Variants in AFF3 observed in about 807,000 individuals in gnomAD.
The protein encoded by AFF3 is ALF transcription elongation factor 3.
AFF3 carries 32 observed loss-of-function variants against 129.7 expected under a neutral mutation model. That is an observed-to-expected ratio of 0.25 (90% CI 0.19 to 0.33). The LOEUF (loss-of-function observed/expected upper bound fraction) is 0.33. Ranked by LOEUF, AFF3 falls within the 10% of genes least tolerant of loss-of-function variation. The pLI is 1.00. For missense variants in AFF3, 1,373 were observed against 1,592.0 expected, an observed-to-expected ratio of 0.86 and a Z score of 2.34; for synonymous variants, 644 against 635.4, an observed-to-expected ratio of 1.01 and a Z score of -0.20.
intron 8 of AFF3, among the ~76,000 whole-genome samples, chr2:99,777,202 C>G (rs1575949710): frequency 2.0e-5 from 3 of 152,162 alleles, no homozygotes; most frequent in Admixed American, 1.3e-4. Flanking sequence ...ATGTAAGTCT[C>G]CACGCTGAGT....
chr2:99,723,764 A>G (rs776220684), intron 11 of AFF3, among the ~76,000 whole-genome samples: 1 of 152,224 alleles, frequency 6.6e-6, no homozygotes, highest in Non-Finnish European at 1.5e-5. Flanking sequence ...CCAGTGCCTC[A>G]GAATGTGACT....
At chr2:99,977,950 C>G (rs1297819447) in intron 7 of AFF3, among the ~76,000 whole-genome samples, 1 of 152,250 alleles carries the variant, frequency 6.6e-6, no homozygotes, top group Non-Finnish European at 1.5e-5. Context: ...CCCATCCCAA[C>G]ACTGTCCTGC....
intron 2 of AFF3, among the ~76,000 whole-genome samples, chr2:100,126,322 G>T (rs1692189409): frequency 6.6e-6 from 1 of 152,202 alleles, no homozygotes; most frequent in Non-Finnish European, 1.5e-5. Flanking sequence ...TGTTTACTGG[G>T]CTCTCAGGAG....
chr2:100,060,096 T>A (rs1217580048), intron 4 of AFF3, among the ~76,000 whole-genome samples: 1 of 152,048 alleles, frequency 6.6e-6, no homozygotes, highest in Non-Finnish European at 1.5e-5. Flanking sequence ...AAACACACCC[T>A]CCATCCTCCT....
At position 100,071,629 on chromosome 2, in the gene AFF3, T is replaced by C. The variant is rs537869184; in HGVS notation, c.53+32773A>G. Among the ~76,000 whole-genome samples, 7 of 152,300 alleles carry C rather than the reference T, an allele frequency of 4.6e-5. No individual in the cohort carries two copies. The South Asian group carries it at 1.5e-3, about 32-fold the overall frequency. On this transcript the variant is annotated intron_variant, in intron 4 of 24. Coordinates refer to ENST00000672756, the MANE Select transcript of AFF3 (RefSeq NM_001386135.1). ...CTGCACAAATGAGCTGGCTCAGTAT[T>C]AGTGTCTTCTTTTAAAGGTTAGCAC...
At chr2:99,739,384 G>A (rs1184539461) in intron 10 of AFF3, among the ~76,000 whole-genome samples, 2 of 152,048 alleles carry the variant, frequency 1.3e-5, no homozygotes, top group African/African-American at 2.4e-5. Context: ...TTATTCTGAT[G>A]GTGCTATTTT....
chr2:99,946,709 C>T (rs1411719106), intron 7 of AFF3, among the ~76,000 whole-genome samples: 5 of 152,008 alleles, frequency 3.3e-5, no homozygotes, highest in Admixed American at 2.6e-4. Context: ...CCAAAGTTTA[C>T]GTTTTTTACT....
At chr2:100,003,905 A>C (rs1258907356) in intron 7 of AFF3, among the ~76,000 whole-genome samples, 3 of 152,168 alleles carry the variant, frequency 2.0e-5, no homozygotes, top group Admixed American at 2.0e-4. Context: ...GAAACTGCAA[A>C]TTAAAAGCTA....
intron 9 of AFF3, among the ~76,000 whole-genome samples, chr2:99,749,101 G>C (rs577523009): frequency 1.1e-3 from 163 of 152,230 alleles, no homozygotes; most frequent in Middle Eastern, 0.01. Context: ...AACAATGAGG[G>C]TAGATCTTTA....
In AFF3 at chr2:99,611,886, CA is replaced by C. The variant is rs36056201; in HGVS notation, c.1185-10266del. Among the ~76,000 whole-genome samples, 145 of 145,266 alleles carry C rather than the reference CA, an allele frequency of 1.0e-3. 2 individuals are homozygous for C. The Middle Eastern group carries it at 0.017, about 18-fold the overall frequency. Reference sequence around the variant, plus strand: ...TGGGCGACAGAGTGAGATATCATCTCAAAAAAAAAAAAATTTATTCTTGCTA... The same window carrying C: ...TGGGCGACAGAGTGAGATATCATCTCAAAAAAAAAAAATTTATTCTTGCTA... On this transcript the variant is annotated intron_variant, in intron 13 of 24. Transcript: ENST00000672756.
intron 2 of AFF3, among the ~76,000 whole-genome samples, chr2:100,117,452 C>T (rs568765259): frequency 5.9e-5 from 9 of 152,272 alleles, no homozygotes; most frequent in South Asian, 2.1e-4. Context: ...TGGGGTATCA[C>T]GATTTTTTGA....
intron 10 of AFF3, among the ~76,000 whole-genome samples, chr2:99,732,329 C>T (rs1299067232): frequency 7.2e-6 from 1 of 138,902 alleles, no homozygotes; most frequent in Non-Finnish European, 1.5e-5. Context: ...GCCTGGGCAA[C>T]AGAGCGAGAC....
intron 8 of AFF3, among the ~76,000 whole-genome samples, chr2:99,753,162 G>A (rs1220324852): frequency 1.3e-5 from 2 of 152,014 alleles, no homozygotes; most frequent in African/African-American, 4.8e-5. Flanking sequence ...GTGCAGTGGC[G>A]TGATCTGGCT....
At chr2:99,940,040 T>G (rs1235136731) in intron 7 of AFF3, among the ~76,000 whole-genome samples, 2 of 152,180 alleles carry the variant, frequency 1.3e-5, no homozygotes, top group Non-Finnish European at 2.9e-5. Context: ...GATCTTAGAC[T>G]TTTCAGTAAC....
At chr2:99,654,493 T>A (rs1247169454) in intron 12 of AFF3, among the ~76,000 whole-genome samples, 1 of 152,016 alleles carries the variant, frequency 6.6e-6, no homozygotes, top group African/African-American at 2.4e-5. Context: ...AAAGAAAAAA[T>A]TAGGTGACTC....
At chr2:99,662,421 T>C (rs923993261) in intron 12 of AFF3, among the ~76,000 whole-genome samples, 1 of 152,162 alleles carries the variant, frequency 6.6e-6, no homozygotes, top group African/African-American at 2.4e-5. Context: ...ACATACAGTA[T>C]TCTTTTTTTC....
At chr2:99,606,912 T>TCA (rs550161791) in intron 13 of AFF3, among the ~76,000 whole-genome samples, 2 of 51,334 alleles carry the variant, frequency 3.9e-5, no homozygotes, top group African/African-American at 1.5e-4. Flanking sequence ...AGACTCCGTC[T>TCA]CACAAAAAAA....
chr2:99,717,984 T>C (rs146254576), intron 11 of AFF3, among the ~76,000 whole-genome samples: 4 of 152,338 alleles, frequency 2.6e-5, no homozygotes, highest in East Asian at 1.9e-4. Flanking sequence ...CAAATGACCA[T>C]ATCCATATGG....
rs556531838 is a variant in AFF3 at position 99,944,138 on chromosome 2, C to T, written c.873+62494G>A. 8.5e-5 allele frequency among the ~76,000 whole-genome samples: 13 copies of T among 152,198 alleles called. No homozygotes were observed. In the South Asian group the frequency reaches 2.7e-3, roughly 32 times the overall value. On this transcript the variant is annotated intron_variant, in intron 7 of 24. Transcript: ENST00000672756. ...CTGGTCTTGAACCCCTGGGCTCAAG[C>T]CATCCTCCCGCCTCCGCTTCCCAAA...
Sources: allele counts gnomAD v4.1 joint callset (sites outside exome capture counted in the v4.1 genomes callset), GRCh38; gene constraint gnomAD v4.1.1; transcripts MANE v1.5; gene names NCBI Gene and HGNC (gene_info 2026-07-23, HGNC 2026-07-21).